ASXL3: variants seen among roughly 807,000 people sequenced by gnomAD.
ASXL3 encodes ASXL transcriptional regulator 3.
A neutral mutation model predicts 170.6 loss-of-function variants in ASXL3; 34 were observed. The observed-to-expected ratio is 0.20, with a 90% CI of 0.15 to 0.27. The LOEUF is 0.27. ASXL3 is among the 10% of genes least tolerant of loss of function. The pLI is 1.00. For missense variants in ASXL3, 2,592 were observed against 2,695.3 expected (o/e 0.96, Z 0.85); for synonymous variants, 1,002 against 989.1 (o/e 1.01, Z -0.24).
At chr18:33,705,092 G>A (rs1172111095) in intron 8 of ASXL3, among the ~76,000 whole-genome samples, 1 of 151,402 alleles carries the variant, frequency 6.6e-6, no homozygotes, top group African/African-American at 2.4e-5. Context: ...TAATAGCTTA[G>A]GTATATTTAT....
chr18:33,626,532 T>C (rs936657191), intron 2 of ASXL3: 3 of 152,116 alleles, frequency 2.0e-5, no homozygotes, highest in African/African-American at 7.2e-5. Flanking sequence ...TTTTTTTTTT[T>C]TCCTCATGCT....
intron 8 of ASXL3, among the ~76,000 whole-genome samples, chr18:33,716,012 A>G (rs1332054611): frequency 6.6e-6 from 1 of 152,226 alleles, no homozygotes; most frequent in African/African-American, 2.4e-5. Context: ...GTCAAGCAGC[A>G]TTTGAATAAA....
chr18:33,616,018 C>T (rs1462000387), intron 2 of ASXL3, among the ~76,000 whole-genome samples: 1 of 152,128 alleles, frequency 6.6e-6, no homozygotes. Context: ...ATAGTCTGCA[C>T]ATGAATATCA....
intron 2 of ASXL3, among the ~76,000 whole-genome samples, chr18:33,636,884 G>GCATCA (rs1428465195): frequency 1.3e-5 from 2 of 152,118 alleles, no homozygotes; most frequent in African/African-American, 4.8e-5. Context: ...GGTCCTATGA[G>GCATCA]TGTTTCCTTT....
chr18:33,593,864 A>G (rs1444275536), intron 1 of ASXL3, among the ~76,000 whole-genome samples: 1 of 152,176 alleles, frequency 6.6e-6, no homozygotes, highest in Admixed American at 6.6e-5. Context: ...AGGTGAGGCT[A>G]CCTCTGAATT....
At chr18:33,584,767 C>T (rs1020087678) in intron 1 of ASXL3, among the ~76,000 whole-genome samples, 1 of 152,098 alleles carries the variant, frequency 6.6e-6, no homozygotes, top group Non-Finnish European at 1.5e-5. Flanking sequence ...TAATGATACA[C>T]CCAATATCAT....
At chr18:33,620,746 C>T (rs2065499450) in intron 2 of ASXL3, among the ~76,000 whole-genome samples, 1 of 152,144 alleles carries the variant, frequency 6.6e-6, no homozygotes, top group Non-Finnish European at 1.5e-5. Flanking sequence ...GAAATAGTCT[C>T]TGAAGCATTT....
intron 7 of ASXL3, 55 bp from the exon 8 acceptor site, chr18:33,683,350 G>A (rs557387878): frequency 1.7e-5 from 26 of 1,494,322 alleles, no homozygotes; most frequent in African/African-American, 7.0e-5. Flanking sequence ...GTGTACGTAC[G>A]TACACGTTTC....
intron 8 of ASXL3, among the ~76,000 whole-genome samples, chr18:33,686,777 A>C (rs4799710): frequency 6.2e-4 from 95 of 152,116 alleles, no homozygotes; most frequent in African/African-American, 2.1e-3. Flanking sequence ...AAAACTTGAC[A>C]GATGGGAAAT....
intron 5 of ASXL3, among the ~76,000 whole-genome samples, chr18:33,663,398 T>C (rs995344353): frequency 6.6e-6 from 1 of 152,186 alleles, no homozygotes; most frequent in Admixed American, 6.5e-5. Context: ...CTCTCTGTAT[T>C]GTTCTATATC....
At position 33,644,968 on chromosome 18, in the gene ASXL3, A is replaced by T; in HGVS notation, c.212A>T (p.Lys71Ile). 1.3e-6 allele frequency: 2 copies of T among 1,573,900 alleles called. No homozygotes were observed. The highest frequency in any genetic ancestry group is 1.7e-6 in the Non-Finnish European group (2 of 1,157,386). ...CGAATAGGGGATGGAACATTCTTCA[A>T]AATCCCTGGAAAGTCAGGCCTCTAT... ...NTRIGDGTFFKIPGKSGLYAL... is the reference protein window; with the variant it reads ...NTRIGDGTFFIIPGKSGLYAL... The change falls in exon 3 of 12, where the codon AAA (lysine) becomes ATA (isoleucine). Residue 71 changes from lysine (K) to isoleucine (I), a missense_variant. By Grantham distance (102) the Lys-to-Ile change is moderately radical. Transcript: ENST00000269197.
rs116363417 is a variant in ASXL3, at chr18:33,744,665, G to A, written c.4817G>A (p.Arg1606Gln). The change falls in exon 12 of 12, where the codon CGG (arginine) becomes CAG (glutamine). Residue 1606 changes from arginine to glutamine, a missense_variant. Arg to Gln is a conservative substitution (Grantham distance 43). Coordinates refer to ENST00000269197, the MANE Select transcript of ASXL3 (RefSeq NM_030632.3). ...TCSNQYNPSN[R>Q]ICWNDDGMRS... ...AGCAATCAGTATAACCCAAGTAACC[G>A]GATTTGCTGGAATGATGATGGGATG... 6.4e-4 allele frequency: 1,034 copies of A among 1,608,052 alleles called. 4 individuals carry two copies. The African/African-American group carries it at 0.012, about 18-fold the overall frequency.
chr18:33,706,354 TGA>T (rs2066958683), intron 8 of ASXL3, among the ~76,000 whole-genome samples: 2 of 151,748 alleles, frequency 1.3e-5, no homozygotes, highest in Admixed American at 6.6e-5. Context: ...CAAAATTTTT[TGA>T]GATATATGAC....
At chr18:33,735,809 T>TAAAA (rs879887053) in intron 10 of ASXL3, among the ~76,000 whole-genome samples, 129 of 152,192 alleles carry the variant, frequency 8.5e-4, no homozygotes, top group Admixed American at 3.9e-3. Context: ...ATTAATTTAA[T>TAAAA]GTATTTATCT....
chr18:33,736,024 C>T (rs551296219), intron 10 of ASXL3, among the ~76,000 whole-genome samples: 1 of 152,250 alleles, frequency 6.6e-6, no homozygotes, highest in South Asian at 2.1e-4. Context: ...ATCCTCCCAA[C>T]AATTCCATAA....
chr18:33,654,519 A>G (rs1363510848), intron 4 of ASXL3, among the ~76,000 whole-genome samples: 1 of 152,054 alleles, frequency 6.6e-6, no homozygotes, highest in African/African-American at 2.4e-5. Context: ...GTATGAAATA[A>G]TTAGTAGTGA....
chr18:33,614,531 A>T (rs1157599498), intron 2 of ASXL3: 1 of 152,176 alleles, frequency 6.6e-6, no homozygotes, highest in Admixed American at 6.5e-5. Context: ...AACTCCTGTG[A>T]ATCATGAATG....
intron 8 of ASXL3, 29 bp downstream of exon 8, chr18:33,683,597 C>T: frequency 1.3e-6 from 2 of 1,581,522 alleles, no homozygotes; most frequent in Non-Finnish European, 1.7e-6. Context: ...CATTTGATAC[C>T]AGCCACTAGT....
At chr18:33,714,271 C>A (rs1015548804) in intron 8 of ASXL3, among the ~76,000 whole-genome samples, 2 of 152,158 alleles carry the variant, frequency 1.3e-5, no homozygotes, top group Admixed American at 1.3e-4. Flanking sequence ...TCAACAATGT[C>A]TCTCTGTTAC....
Sources: gnomAD v4.1 joint callset for allele counts (sites outside exome capture counted in the v4.1 genomes callset) on GRCh38, gnomAD v4.1.1 for gene constraint, MANE v1.5 for transcripts, NCBI Gene and HGNC (gene_info 2026-07-23, HGNC 2026-07-21) for gene names.